The following WDR49 variants were observed in gnomAD, a reference collection of about 807,000 sequenced individuals.
The protein encoded by WDR49 is cilia- and flagella-associated protein 337.
WDR49 carries 107 observed loss-of-function variants against 119.5 expected under a neutral mutation model. The ratio of observed to expected loss-of-function variants is 0.90; its 90% CI spans 0.77 to 1.05. WDR49 has a LOEUF of 1.05. WDR49 is among the 50% of genes least tolerant of loss of function. The pLI, the probability that WDR49 is intolerant of heterozygous loss-of-function variation, is 0.00. For missense variants in WDR49, 1,240 were observed against 1,220.5 expected (o/e 1.02, Z -0.24); for synonymous variants, 425 against 418.8 (o/e 1.01, Z -0.18).
intron 10 of WDR49, among the ~76,000 whole-genome samples, chr3:167,546,052 G>T (rs906792985): frequency 1.4e-4 from 21 of 151,776 alleles, no homozygotes; most frequent in African/African-American, 4.8e-4. Context: ...AAGTTTGGTT[G>T]AAAGATTACC....
At chr3:167,639,992 C>T (rs1253705697) in intron 2 of WDR49, among the ~76,000 whole-genome samples, 1 of 151,832 alleles carries the variant, frequency 6.6e-6, no homozygotes, top group African/African-American at 2.4e-5. Context: ...TTGCTGAACT[C>T]TCACTCTGAT....
intron 2 of WDR49, among the ~76,000 whole-genome samples, chr3:167,635,362 T>C (rs1483521461): frequency 6.6e-6 from 1 of 151,892 alleles, no homozygotes; most frequent in African/African-American, 2.4e-5. Context: ...TTCTTAAGAC[T>C]TATCGATTGG....
At chr3:167,575,092 T>A (rs1714162021) in intron 8 of WDR49, 2 of 985,240 alleles carry the variant, frequency 2.0e-6, no homozygotes, top group African/African-American at 3.5e-5. Flanking sequence ...AAGAATGGAT[T>A]GAGTTACTGT....
intron 8 of WDR49, among the ~76,000 whole-genome samples, chr3:167,566,289 G>A (rs1713592207): frequency 6.6e-6 from 1 of 152,128 alleles, no homozygotes; most frequent in Admixed American, 6.5e-5. Context: ...AGGACAAGGT[G>A]AAAAACTGCT....
At chr3:167,578,422 A>C (rs2108286007) in intron 7 of WDR49, among the ~76,000 whole-genome samples, 1 of 152,238 alleles carries the variant, frequency 6.6e-6, no homozygotes, top group Middle Eastern at 3.4e-3. Context: ...CACAACACTA[A>C]ATAATATAAT....
intron 5 of WDR49, among the ~76,000 whole-genome samples, 178 bp downstream of exon 5, chr3:167,620,251 A>T (rs1716803866): frequency 6.6e-6 from 1 of 152,122 alleles, no homozygotes. Flanking sequence ...AGGAAAAAAA[A>T]AAGAAAGAAA....
intron 8 of WDR49, among the ~76,000 whole-genome samples, chr3:167,564,908 A>C (rs1050884155): frequency 6.6e-6 from 1 of 151,786 alleles, no homozygotes; most frequent in Admixed American, 6.6e-5. Context: ...GGGTCTAAGA[A>C]AAAAAAAACA....
upstream of WDR49, among the ~76,000 whole-genome samples, chr3:167,654,153 A>G (rs1718512236): frequency 6.6e-6 from 1 of 152,202 alleles, no homozygotes; most frequent in Non-Finnish European, 1.5e-5. Context: ...GACATCTTGT[A>G]TTATTTAAAG....
intron 18 of WDR49, among the ~76,000 whole-genome samples, chr3:167,486,599 C>T (rs1750928730): frequency 6.6e-6 from 1 of 151,892 alleles, no homozygotes; most frequent in Non-Finnish European, 1.5e-5. Context: ...AGCAGGGGTC[C>T]CTATTCTTAA....
At position 167,627,271 on chromosome 3, in the gene WDR49, T is replaced by C. The variant is rs1717174141; in HGVS notation, c.187A>G (p.Ile63Val). 1.4e-5 allele frequency: 17 copies of C among 1,235,896 alleles called. No homozygotes were observed. The highest frequency in any genetic ancestry group is 1.6e-5 in the Non-Finnish European group (16 of 989,176). 76.6% of individuals were successfully genotyped at this position (1,235,896 alleles called of 1,614,324 possible). Residue 63 changes from isoleucine to valine, a missense_variant, in exon 3 of 19, where the codon ATT becomes GTT. Ile to Val is a conservative substitution (Grantham distance 29). Coordinates refer to ENST00000682715, the MANE Select transcript of WDR49 (RefSeq NM_001366157.1). Reference protein sequence around the residue: ...AFESPQPRKIICMSREDFTQK... With the variant: ...AFESPQPRKIVCMSREDFTQK... ...GTGAAGTCTTCTCTGGACATACAAA[T>C]GATTTTCCTTGGCTGTGGGGACTAG...
At chr3:167,513,305 T>G (rs1250316414) in intron 16 of WDR49, among the ~76,000 whole-genome samples, 4 of 152,086 alleles carry the variant, frequency 2.6e-5, no homozygotes, top group African/African-American at 4.8e-5. Context: ...GGGCCAATAT[T>G]CAACATTCTT....
intron 18 of WDR49, among the ~76,000 whole-genome samples, chr3:167,485,736 C>G (rs2108192192): frequency 6.6e-6 from 1 of 152,096 alleles, no homozygotes; most frequent in Middle Eastern, 3.4e-3. Flanking sequence ...GGAACAAAAC[C>G]TCTGAAAACT....
chr3:167,606,913 T>C (rs1716088404), intron 5 of WDR49, among the ~76,000 whole-genome samples: 1 of 152,146 alleles, frequency 6.6e-6, no homozygotes, highest in South Asian at 2.1e-4. Flanking sequence ...ACAGGAACCT[T>C]CAGAATGAAG....
chr3:167,629,454 T>A (rs1365749440), intron 2 of WDR49, among the ~76,000 whole-genome samples: 22 of 152,120 alleles, frequency 1.4e-4, no homozygotes, highest in Admixed American at 1.4e-3. Flanking sequence ...AACGGAGATG[T>A]ACAAGGGGAT....
chr3:167,609,341 T>C (rs7644911), intron 5 of WDR49, among the ~76,000 whole-genome samples: 4,799 of 151,980 alleles, frequency 0.032, 213 homozygotes, highest in East Asian at 0.18. Context: ...CCCACCCTTC[T>C]CCACCCCTAC....
chr3:167,623,739 A>G (rs190797723), intron 3 of WDR49, among the ~76,000 whole-genome samples: 177 of 152,158 alleles, frequency 1.2e-3, no homozygotes, highest in African/African-American at 4.1e-3. Flanking sequence ...AAATATCAAT[A>G]TTAAAAAGGA....
intron 16 of WDR49, among the ~76,000 whole-genome samples, chr3:167,518,529 C>A (rs1379340649): frequency 1.3e-5 from 2 of 151,800 alleles, no homozygotes; most frequent in Non-Finnish European, 2.9e-5. Context: ...GCATAAATGT[C>A]TTCTTTTGAG....
chr3:167,514,731 G>C (rs1360688378), intron 16 of WDR49, among the ~76,000 whole-genome samples: 2 of 151,240 alleles, frequency 1.3e-5, no homozygotes, highest in African/African-American at 2.4e-5. Context: ...AAAATAGATA[G>C]ATTGCTAGCT....
intron 2 of WDR49, among the ~76,000 whole-genome samples, chr3:167,644,629 A>G (rs1032866508): frequency 2.0e-4 from 30 of 152,146 alleles, no homozygotes; most frequent in African/African-American, 6.8e-4. Flanking sequence ...TGATATTACA[A>G]TCATATTTTT....
Sources: allele counts gnomAD v4.1 joint callset (sites outside exome capture counted in the v4.1 genomes callset), GRCh38; gene constraint gnomAD v4.1.1; transcripts MANE v1.5; gene names NCBI Gene and HGNC (gene_info 2026-07-23, HGNC 2026-07-21).